Variants in PCBP3 observed in about 807,000 individuals in gnomAD.
PCBP3 encodes the protein poly(rC) binding protein 3.
A neutral mutation model predicts 52.7 loss-of-function variants in PCBP3; 25 were observed. That is an observed-to-expected ratio of 0.47 (90% confidence interval 0.35 to 0.66). The LOEUF (loss-of-function observed/expected upper bound fraction) is 0.66. Ranked by LOEUF, PCBP3 falls within the 30% of genes least tolerant of loss-of-function variation. PCBP3 has a pLI of 0.01. For synonymous variants in PCBP3, 162 were observed against 183.0 expected (o/e 0.89, Z 0.93); for missense variants, 391 against 490.3 (o/e 0.80, Z 1.91).
intron 5 of PCBP3, among the ~76,000 whole-genome samples, chr21:45,866,808 T>C (rs2094747461): frequency 6.6e-6 from 1 of 150,996 alleles, no homozygotes; most frequent in African/African-American, 2.4e-5. Flanking sequence ...TTCCCTGTGG[T>C]CCTCCTGCCC....
intron 3 of PCBP3, among the ~76,000 whole-genome samples, chr21:45,744,910 T>G (rs1166327554): frequency 1.3e-5 from 2 of 152,254 alleles, no homozygotes; most frequent in African/African-American, 4.8e-5. Flanking sequence ...TTCTACTTTT[T>G]AAGTATCATG....
In PCBP3 at chr21:45,850,035, C is replaced by A. The variant is rs530573014; in HGVS notation, c.-51C>A. On this transcript the variant is annotated 5_prime_UTR_variant, in exon 5 of 18. Transcript: ENST00000681687. ...TGGTTATGATGCTCTGAGTTCAATA[C>A]GTCTGAACCTTTGCTGTCTATGGAT... 7.8e-5 allele frequency: 118 copies of A among 1,512,904 alleles called. 1 individual carries two copies. The highest frequency in any genetic ancestry group is 1.0e-4 in the Non-Finnish European group (111 of 1,111,690). 93.7% of individuals were successfully genotyped at this position (1,512,904 alleles called of 1,614,324 possible). A position where few individuals can be genotyped will look rare whatever the true frequency, so the allele number is the denominator to read the frequency against.
chr21:45,867,512 G>A (rs796196383), intron 5 of PCBP3, among the ~76,000 whole-genome samples: 5 of 152,354 alleles, frequency 3.3e-5, no homozygotes, highest in African/African-American at 7.2e-5. Flanking sequence ...GGTGCGGGCC[G>A]TGAAGGTTAT....
intron 9 of PCBP3, 81 bp downstream of exon 9, chr21:45,901,194 C>T: frequency 1.0e-6 from 1 of 966,490 alleles, no homozygotes; most frequent in Non-Finnish European, 1.7e-6. Context: ...CTCTCCCCTA[C>T]ACCTGGACTA....
intron 5 of PCBP3, among the ~76,000 whole-genome samples, chr21:45,892,210 C>T (rs1000350545): frequency 1.3e-5 from 2 of 152,164 alleles, no homozygotes; most frequent in Non-Finnish European, 2.9e-5. Flanking sequence ...GCAGTGCCTG[C>T]TTCAGGGAAG....
intron 4 of PCBP3, among the ~76,000 whole-genome samples, chr21:45,825,190 T>TCAG (rs901667663): frequency 7.9e-5 from 12 of 152,206 alleles, no homozygotes; most frequent in East Asian, 1.9e-4. Context: ...TCTTGGTGGT[T>TCAG]CAGGGATGTT....
At chr21:45,648,225 C>T (rs1409028337) in intron 1 of PCBP3, among the ~76,000 whole-genome samples, 1 of 152,162 alleles carries the variant, frequency 6.6e-6, no homozygotes, top group African/African-American at 2.4e-5. Context: ...AAGTTTGTTC[C>T]AACAGCAGTA....
In PCBP3 at chr21:45,805,688, TG is replaced by T. The variant is rs1439564891; in HGVS notation, c.-125-44272del. ...TGTGACTGGAAGGACCAGCCGTTGC[TG>T]CTGGCAGCTCATCCCTGCACCTGAG... On this transcript the variant is annotated intron_variant, in intron 4 of 17. Transcript: ENST00000681687. This position sits in a 1 kb window ranked among gnomAD's most constrained non-coding sequence, Gnocchi z 4.6. Among the ~76,000 whole-genome samples the T allele has an allele frequency of 2.0e-5, 3 of 152,250 alleles. No homozygotes were observed. Among genetic ancestry groups the T allele is most frequent in the Admixed American group, 2.0e-4 (3 of 15,292 alleles).
intron 5 of PCBP3, among the ~76,000 whole-genome samples, chr21:45,865,321 G>A (rs1022378290): frequency 1.2e-4 from 18 of 152,156 alleles, no homozygotes; most frequent in African/African-American, 3.9e-4. Context: ...TTACAAAATC[G>A]TAGCCCACCC....
chr21:45,757,210 T>G (rs2088141547), intron 4 of PCBP3, among the ~76,000 whole-genome samples: 1 of 152,250 alleles, frequency 6.6e-6, no homozygotes, highest in Admixed American at 6.5e-5. Flanking sequence ...TTCTTTATGG[T>G]ACAGCTATCC....
chr21:45,754,978 A>G (rs531434039), intron 3 of PCBP3, among the ~76,000 whole-genome samples: 1 of 152,300 alleles, frequency 6.6e-6, no homozygotes, highest in African/African-American at 2.4e-5. Context: ...AACATCAAGT[A>G]TATTGAGATA....
intron 4 of PCBP3, among the ~76,000 whole-genome samples, chr21:45,831,937 C>G (rs1254514856): frequency 1.3e-5 from 2 of 152,112 alleles, no homozygotes; most frequent in Admixed American, 1.3e-4. Context: ...TCTCGAATTC[C>G]TGACCTCATG....
chr21:45,917,698 GTTAA>G lies in PCBP3; in HGVS notation c.717+72_717+75del. On this transcript the variant is annotated intron_variant, in intron 13 of 17. Transcript: ENST00000681687. This position sits in a 1 kb window ranked among gnomAD's most constrained non-coding sequence, Gnocchi z 5.3. ...GTTGTTTACCTACCTGCATGCTGCT[GTTAA>G]TTGCTACTAACATTAATATTACACA... 1 of 1,157,146 alleles carries G rather than the reference GTTAA, an allele frequency of 8.6e-7. No homozygotes were observed. Among genetic ancestry groups the G allele is most frequent in the Non-Finnish European group, 1.3e-6 (1 of 763,066 alleles). The allele number at this position is 1,157,146 out of a possible 1,614,324, so 71.7% of individuals were successfully genotyped here. A position where few individuals can be genotyped will look rare whatever the true frequency, so the allele number is the denominator to read the frequency against.
intron 2 of PCBP3, among the ~76,000 whole-genome samples, chr21:45,692,697 GA>G (rs2082555149): frequency 6.6e-6 from 1 of 152,070 alleles, no homozygotes; most frequent in Admixed American, 6.6e-5. Flanking sequence ...CATTCTACCA[GA>G]TGTTTTTAAA....
intron 4 of PCBP3, among the ~76,000 whole-genome samples, chr21:45,792,368 A>G (rs1283556956): frequency 2.0e-5 from 3 of 152,162 alleles, no homozygotes; most frequent in Non-Finnish European, 4.4e-5. Context: ...GGCAGTGATG[A>G]AGGTGCAGAG....
chr21:45,773,938 A>G (rs1384159383), intron 4 of PCBP3, among the ~76,000 whole-genome samples: 3 of 151,992 alleles, frequency 2.0e-5, no homozygotes, highest in Non-Finnish European at 4.4e-5. Context: ...CCTTATAGAA[A>G]TCTTTCCTTT....
At chr21:45,681,266 A>G (rs913319491) in intron 2 of PCBP3, among the ~76,000 whole-genome samples, 1 of 152,208 alleles carries the variant, frequency 6.6e-6, no homozygotes, top group Admixed American at 6.5e-5. Context: ...TATCACAAAT[A>G]GATGTTGGAT....
At chr21:45,793,056 T>C (rs1301749001) in intron 4 of PCBP3, among the ~76,000 whole-genome samples, 11 of 151,986 alleles carry the variant, frequency 7.2e-5, no homozygotes, top group Non-Finnish European at 1.6e-4. Flanking sequence ...AAAGCAAAAC[T>C]GCCAACAAGC....
chr21:45,868,885 G>A (rs2094877459), intron 5 of PCBP3, among the ~76,000 whole-genome samples: 2 of 152,248 alleles, frequency 1.3e-5, no homozygotes, highest in African/African-American at 4.8e-5. Flanking sequence ...GCTTTGGGCA[G>A]CTCGGTGGAC....
Sources: gnomAD v4.1 joint callset for allele counts (sites outside exome capture counted in the v4.1 genomes callset) on GRCh38, gnomAD v4.1.1 for gene constraint, Gnocchi (gnomAD v3.1) non-coding constraint, MANE v1.5 for transcripts, NCBI Gene and HGNC (gene_info 2026-07-23, HGNC 2026-07-21) for gene names.